The following POLR3A variants were observed in gnomAD, a reference collection of about 807,000 sequenced individuals.
POLR3A encodes the protein RNA polymerase III subunit A, also known as DNA-directed RNA polymerase III subunit RPC1.
POLR3A carries 112 observed loss-of-function variants against 152.8 expected under a neutral mutation model. That is an observed-to-expected ratio of 0.73 (90% CI 0.63 to 0.86). The LOEUF (loss-of-function observed/expected upper bound fraction) is 0.86, where lower values mean the gene tolerates loss of function less well. POLR3A is among the 40% of genes least tolerant of loss of function. The probability of loss-of-function intolerance (pLI) is 0.00; values close to 1 mark genes in which losing one functional copy is unlikely to be tolerated. For synonymous variants in POLR3A, 615 were observed against 652.1 expected (o/e 0.94, Z 0.87); for missense variants, 1,385 against 1,743.1 (o/e 0.79, Z 3.66).
At chr10:77,988,699 CAG>C (rs1373592359) in intron 21 of POLR3A, among the ~76,000 whole-genome samples, 1 of 152,130 alleles carries the variant, frequency 6.6e-6, no homozygotes, top group Non-Finnish European at 1.5e-5. Context: ...ATGGCTCTAA[CAG>C]AATATTCAAA....
At chr10:77,995,487 CA>C (rs947900598) in intron 19 of POLR3A, among the ~76,000 whole-genome samples, 26 of 151,602 alleles carry the variant, frequency 1.7e-4, no homozygotes, top group African/African-American at 6.3e-4. Context: ...AAATGGAAAA[CA>C]AAAAAAGGCA....
Position 77,984,439 on chromosome 10 carries a change from G to A in POLR3A, c.3243-141C>T, listed in dbSNP as rs952608688. The A allele has an allele frequency of 3.2e-5, 22 of 685,704 alleles. No homozygotes were observed. In the African/African-American group the frequency reaches 3.5e-4, roughly 11 times the overall value. 42.5% of individuals were successfully genotyped at this position (685,704 alleles called of 1,614,324 possible). ...TTACTGAGCAAGCTCTGCCTCCCAG[G>A]TTCATGCCATTCTCCTGCCTCAGCC... On this transcript the variant is annotated intron_variant, in intron 24 of 30. Coordinates refer to ENST00000372371, the MANE Select transcript of POLR3A (RefSeq NM_007055.4).
chr10:77,982,491 T>G (rs941171536), intron 27 of POLR3A, among the ~76,000 whole-genome samples, 162 bp downstream of exon 27: 3 of 152,116 alleles, frequency 2.0e-5, no homozygotes, highest in African/African-American at 7.2e-5. Context: ...TAACATCAGT[T>G]TTTTGATAGA....
rs749164592 is a variant in POLR3A, at chr10:77,993,231, G to A, written c.2753C>T (p.Pro918Leu). 7.4e-6 allele frequency: 12 copies of A among 1,613,708 alleles called. No individual in the cohort carries two copies. The highest frequency in any genetic ancestry group is 1.0e-5 in the Non-Finnish European group (12 of 1,179,772). ...GTCCAGAACCCTTTTAAACTCCAAA[G>A]GTTCATCTTTTCCCTCCATAGCTGC... ...DPAAMEGKDE[P>L]LEFKRVLDNI... Residue 918 changes from proline (P) to leucine (L), a missense_variant, in exon 20 of 31, where the codon CCT becomes CTT. Pro to Leu is a moderately conservative substitution (Grantham distance 98). This residue lies in a region of POLR3A where 178 missense variants were observed against 204.6 expected (regional missense o/e 0.87). Transcript: ENST00000372371.
rs1310527057 is a variant in POLR3A, at chr10:77,991,051, C to T, written c.2901+3G>A. ...GCAGTAGCCAGCACCTGGCAGAGCT[C>T]ACCTGCAGGAAGCTGTCCTGGCAGC... is the stretch of plus-strand genomic sequence containing the variant. On this transcript the variant is annotated splice_donor_region_variant and intron_variant, in intron 21 of 30. Transcript: ENST00000372371. The T allele has an allele frequency of 6.4e-7, 1 of 1,556,098 alleles. No homozygotes were observed. The highest frequency in any genetic ancestry group is 8.9e-7 in the Non-Finnish European group (1 of 1,127,342).
At chr10:78,016,916 T>C (rs948422208) in intron 10 of POLR3A, among the ~76,000 whole-genome samples, 3 of 151,934 alleles carry the variant, frequency 2.0e-5, no homozygotes, top group Admixed American at 6.6e-5. Context: ...ACCTATTTTA[T>C]GTAAGTTTGT....
intron 19 of POLR3A, among the ~76,000 whole-genome samples, chr10:77,994,819 A>G (rs1324593855): frequency 6.6e-6 from 1 of 152,174 alleles, no homozygotes; most frequent in Non-Finnish European, 1.5e-5. Flanking sequence ...AACACCACAA[A>G]GATACTCCTC....
At chr10:78,010,928 C>T (rs1019851436) in intron 11 of POLR3A, among the ~76,000 whole-genome samples, 1 of 152,198 alleles carries the variant, frequency 6.6e-6, no homozygotes, top group African/African-American at 2.4e-5. Flanking sequence ...ACTGCAGCCT[C>T]AACCTCATGG....
At position 78,021,857 on chromosome 10, in the gene POLR3A, T is replaced by C. The variant is rs1392608410; in HGVS notation, c.1048+3A>G. On this transcript the variant is annotated splice_donor_region_variant and intron_variant, in intron 7 of 30. Transcript: ENST00000372371. ...GCTTCTGCACATCTTGTGGGAAACC[T>C]ACCCTGTTTTCCCTTCAGGCGTTGG... 2 of 1,613,558 alleles carry C rather than the reference T, an allele frequency of 1.2e-6. No individual in the cohort carries two copies. Among genetic ancestry groups the C allele is most frequent in the Admixed American group, 1.7e-5 (1 of 60,014 alleles).
intron 1 of POLR3A, among the ~76,000 whole-genome samples, chr10:78,027,694 G>A (rs1322489640): frequency 8.2e-6 from 1 of 122,368 alleles, no homozygotes; most frequent in Non-Finnish European, 1.5e-5. Context: ...GGGGTTACAG[G>A]CATACAGGCA....
At position 78,000,989 on chromosome 10, in the gene POLR3A, T is replaced by C. The variant is rs764368135; in HGVS notation, c.2465A>G (p.Glu822Gly). The C allele has an allele frequency of 6.3e-7, 1 of 1,585,936 alleles. No homozygotes were observed. The highest frequency in any genetic ancestry group is 8.6e-7 in the Non-Finnish European group (1 of 1,156,636). ...GFENRSLPHFEKHSKLPAAKG... is the reference protein window; with the variant it reads ...GFENRSLPHFGKHSKLPAAKG... ...GCTACTGCTTACCTTTGAGTGTTTTTCAAAATGAGGCAAGGACCTGTTTTC... is the reference window on the plus strand; with the variant it reads ...GCTACTGCTTACCTTTGAGTGTTTTCCAAAATGAGGCAAGGACCTGTTTTC... The change falls in exon 18 of 31, where the codon GAA becomes GGA. Residue 822 changes from glutamate to glycine, a missense_variant. Transcript: ENST00000372371.
chr10:78,006,362 A>C (rs1181863475), intron 15 of POLR3A, among the ~76,000 whole-genome samples: 7 of 137,602 alleles, frequency 5.1e-5, no homozygotes, highest in Non-Finnish European at 1.1e-4. Flanking sequence ...GCATCACTGC[A>C]CTCCAGCCTG....
intron 10 of POLR3A, among the ~76,000 whole-genome samples, chr10:78,016,410 TAAA>T (rs548574588): frequency 6.5e-5 from 6 of 92,092 alleles, no homozygotes; most frequent in Non-Finnish European, 1.1e-4. Context: ...CTCCACTTAT[TAAA>T]AAAAAAAAAA....
chr10:77,997,430 C>G (rs1373087783), intron 19 of POLR3A, among the ~76,000 whole-genome samples: 4 of 152,172 alleles, frequency 2.6e-5, no homozygotes, highest in Non-Finnish European at 4.4e-5. Flanking sequence ...AGCCCAAAAT[C>G]TCCTCAAGCT....
At chr10:78,021,121 C>T (rs1847575109) in intron 8 of POLR3A, among the ~76,000 whole-genome samples, 3 of 152,112 alleles carry the variant, frequency 2.0e-5, no homozygotes, top group Admixed American at 2.0e-4. Context: ...CCTGCCACCA[C>T]TCCTGGCTAA....
intron 21 of POLR3A, among the ~76,000 whole-genome samples, chr10:77,989,095 TA>T (rs1363396687): frequency 6.6e-6 from 1 of 152,090 alleles, no homozygotes. Flanking sequence ...AAATTAGGTT[TA>T]AAAATAAAAA....
rs115998821 is a variant in POLR3A, at chr10:78,011,991, T to C, written c.1573-1451A>G. Among the ~76,000 whole-genome samples the C allele has an allele frequency of 4.4e-3, 677 of 152,258 alleles. 8 individuals carry two copies. Among genetic ancestry groups the C allele is most frequent in the African/African-American group, 0.015 (643 of 41,552 alleles). On this transcript the variant is annotated intron_variant, in intron 11 of 30. Coordinates refer to ENST00000372371, the MANE Select transcript of POLR3A (RefSeq NM_007055.4). The stretch of plus-strand genomic sequence containing the variant: ...TTGACAGCAAAGTCTAAATGGTTGG[T>C]TGCAAGCTGATAGCTATTATTTCAA...
At chr10:78,019,381 C>T in intron 8 of POLR3A, 116 bp from the exon 9 acceptor site, 1 of 765,142 alleles carries the variant, frequency 1.3e-6, no homozygotes, top group Non-Finnish European at 2.3e-6. Flanking sequence ...GAAAGAGAGG[C>T]ATCCTGGGCA....
At chr10:78,025,197 T>C in intron 3 of POLR3A, 55 bp from the exon 4 acceptor site, 1 of 1,598,686 alleles carries the variant, frequency 6.3e-7, no homozygotes, top group South Asian at 1.1e-5. Context: ...AAAAATTATT[T>C]TCTTTTAAAA....
Sources: gnomAD v4.1 joint callset for allele counts (sites outside exome capture counted in the v4.1 genomes callset) on GRCh38, gnomAD v4.1.1 for gene constraint, gnomAD v4.1.1 regional missense constraint, MANE v1.5 for transcripts, NCBI Gene and HGNC (gene_info 2026-07-23, HGNC 2026-07-21) for gene names.